The following TRPM3 variants were observed in gnomAD, a reference collection of about 807,000 sequenced individuals.
TRPM3 encodes transient receptor potential cation channel subfamily M member 3.
TRPM3 carries 77 observed loss-of-function variants against 181.2 expected under a neutral mutation model. The ratio of observed to expected loss-of-function variants is 0.42; its 90% CI spans 0.35 to 0.51. The LOEUF is 0.51. Among genes scored for constraint, TRPM3 ranks in the 20% least tolerant of loss-of-function variants. The probability of loss-of-function intolerance (pLI) is 0.01; values close to 1 mark genes in which losing one functional copy is unlikely to be tolerated. For missense variants in TRPM3, 1,759 were observed against 2,196.7 expected (o/e 0.80, Z 3.98); for synonymous variants, 745 against 796.4 (o/e 0.94, Z 1.09).
At chr9:70,677,296 A>G (rs894128259) in intron 9 of TRPM3, among the ~76,000 whole-genome samples, 1 of 152,184 alleles carries the variant, frequency 6.6e-6, no homozygotes, top group Non-Finnish European at 1.5e-5. Flanking sequence ...TAATCTACAT[A>G]TAATTAAGAG....
intron 1 of TRPM3, among the ~76,000 whole-genome samples, chr9:70,880,230 G>A (rs1395758450): frequency 6.6e-6 from 1 of 152,062 alleles, no homozygotes; most frequent in Non-Finnish European, 1.5e-5. Flanking sequence ...AATGTCAGTA[G>A]ATATCATTAT....
At chr9:70,590,161 C>A (rs1337710443) in intron 22 of TRPM3, among the ~76,000 whole-genome samples, 1 of 152,170 alleles carries the variant, frequency 6.6e-6, no homozygotes, top group East Asian at 1.9e-4. Context: ...GGATTCAACT[C>A]CTCCACACTG....
intron 1 of TRPM3, among the ~76,000 whole-genome samples, chr9:70,928,766 G>A (rs1392756199): frequency 6.6e-6 from 1 of 152,218 alleles, no homozygotes; most frequent in Non-Finnish European, 1.5e-5. Context: ...TGTATGAACA[G>A]AAGATGAAGC....
intron 1 of TRPM3, among the ~76,000 whole-genome samples, chr9:70,969,468 T>C (rs1284956600): frequency 6.6e-6 from 1 of 151,764 alleles, no homozygotes; most frequent in Non-Finnish European, 1.5e-5. Flanking sequence ...GAATAAAATA[T>C]GAATGTTGTT....
chr9:71,087,160 C>G (rs1217625048), intron 1 of TRPM3, among the ~76,000 whole-genome samples: 2 of 151,974 alleles, frequency 1.3e-5, no homozygotes, highest in Non-Finnish European at 1.5e-5. Context: ...AACTTTTTAA[C>G]CCAATCTTAC....
At chr9:71,107,526 G>T (rs993180847) in intron 1 of TRPM3, among the ~76,000 whole-genome samples, 1 of 152,048 alleles carries the variant, frequency 6.6e-6, no homozygotes, top group Non-Finnish European at 1.5e-5. Flanking sequence ...TTGATCAAAG[G>T]CCTGTTCTTT....
intron 1 of TRPM3, among the ~76,000 whole-genome samples, chr9:71,244,174 G>A (rs113224948): frequency 9.2e-5 from 14 of 152,266 alleles, no homozygotes; most frequent in African/African-American, 3.4e-4. Flanking sequence ...TGTCCTCAAA[G>A]GGGAGGTACA....
At chr9:71,133,339 G>A (rs75200857) in intron 1 of TRPM3, among the ~76,000 whole-genome samples, 2 of 52,936 alleles carry the variant, frequency 3.8e-5, no homozygotes, top group African/African-American at 1.0e-4. Flanking sequence ...TTGTTGCCCA[G>A]GCTGGAGTGC....
intron 7 of TRPM3, among the ~76,000 whole-genome samples, chr9:70,772,499 T>G (rs2080506985): frequency 6.6e-6 from 1 of 152,090 alleles, no homozygotes; most frequent in South Asian, 2.1e-4. Context: ...TTTTTCATAT[T>G]TTTTGTAGAG....
At chr9:71,331,840 G>C (rs1243465129) in intron 1 of TRPM3, among the ~76,000 whole-genome samples, 2 of 5,904 alleles carry the variant, frequency 3.4e-4, no homozygotes, top group Non-Finnish European at 7.4e-4. Context: ...AGGAGAGGGA[G>C]GAGGAGGAAG....
intron 22 of TRPM3, among the ~76,000 whole-genome samples, chr9:70,571,491 C>T (rs572536991): frequency 5.9e-5 from 9 of 152,194 alleles, no homozygotes; most frequent in African/African-American, 9.6e-5. Flanking sequence ...TCCAACCCCG[C>T]GTCTCAAATA....
intron 1 of TRPM3, among the ~76,000 whole-genome samples, chr9:71,073,968 TG>T (rs1242346497): frequency 6.6e-6 from 1 of 152,226 alleles, no homozygotes; most frequent in Non-Finnish European, 1.5e-5. Context: ...CTTTCATTGC[TG>T]GATTTTTTTC....
chr9:71,333,761 A>G (rs1360562743), intron 1 of TRPM3, among the ~76,000 whole-genome samples: 1 of 151,934 alleles, frequency 6.6e-6, no homozygotes, highest in East Asian at 1.9e-4. Flanking sequence ...GCACAGAAAT[A>G]GAGATAATAA....
chr9:70,572,627 T>C (rs1588625793), intron 22 of TRPM3, among the ~76,000 whole-genome samples: 1 of 152,234 alleles, frequency 6.6e-6, no homozygotes, highest in African/African-American at 2.4e-5. Context: ...TGAGTTTGTC[T>C]GATTTTTTTT....
intron 22 of TRPM3, among the ~76,000 whole-genome samples, chr9:70,562,312 C>T (rs1015224794): frequency 6.6e-6 from 1 of 152,186 alleles, no homozygotes; most frequent in Non-Finnish European, 1.5e-5. Flanking sequence ...TTGCCCCAAA[C>T]TGAATCATCT....
intron 1 of TRPM3, among the ~76,000 whole-genome samples, chr9:71,149,391 A>G (rs958960011): frequency 3.3e-5 from 5 of 152,150 alleles, no homozygotes; most frequent in African/African-American, 1.2e-4. Context: ...TGACAGAGTG[A>G]GACCCTGTCT....
chr9:70,972,982 T>C (rs1353172778), intron 1 of TRPM3, among the ~76,000 whole-genome samples: 1 of 152,186 alleles, frequency 6.6e-6, no homozygotes. Flanking sequence ...GATATCTGTA[T>C]AATGCCTTTG....
intron 7 of TRPM3, among the ~76,000 whole-genome samples, chr9:70,771,436 TTTCTTTCCTTCC>T (rs2080240347): frequency 6.6e-6 from 1 of 152,146 alleles, no homozygotes; most frequent in Non-Finnish European, 1.5e-5. Context: ...CTTTTCCTTC[TTTCTTTCCTTCC>T]TTCTTTACTT....
intron 7 of TRPM3, among the ~76,000 whole-genome samples, chr9:70,777,150 G>T (rs1564233430): frequency 6.6e-6 from 1 of 152,164 alleles, no homozygotes; most frequent in Non-Finnish European, 1.5e-5. Flanking sequence ...CTTTCTGAAA[G>T]TTGTAGATGA....
Sources: allele counts gnomAD v4.1 joint callset (sites outside exome capture counted in the v4.1 genomes callset), GRCh38; gene constraint gnomAD v4.1.1; transcripts MANE v1.5; gene names NCBI Gene and HGNC (gene_info 2026-07-23, HGNC 2026-07-21).